C20orf203: variants seen among roughly 807,000 people sequenced by gnomAD.
C20orf203 encodes the protein uncharacterized protein C20orf203.
A neutral mutation model predicts 15.9 loss-of-function variants in C20orf203; 16 were observed. That is an observed-to-expected ratio of 1.01 (90% CI 0.68 to 1.53). The LOEUF (loss-of-function observed/expected upper bound fraction) is 1.53, where lower values mean the gene tolerates loss of function less well. C20orf203 is among the 40% of genes most tolerant of loss of function. The pLI is 0.00. For synonymous variants in C20orf203, 98 were observed against 97.2 expected, an observed-to-expected ratio of 1.01 and a Z score of -0.05; for missense variants, 263 against 247.5, an observed-to-expected ratio of 1.06 and a Z score of -0.42.
intron 1 of C20orf203, among the ~76,000 whole-genome samples, chr20:32,655,021 TCAGCCGCAAGAGCCGAA>T (rs1284489193): frequency 6.6e-6 from 1 of 152,168 alleles, no homozygotes; most frequent in Non-Finnish European, 1.5e-5. Context: ...CACATTTGGT[TCAGCCGCAAGAGCCGAA>T]CATATTTAAT....
chr20:32,656,509 A>G (rs1007469221), intron 1 of C20orf203: 9 of 152,280 alleles, frequency 5.9e-5, no homozygotes, highest in Admixed American at 6.5e-5. Context: ...TACATGATCC[A>G]GCAATTCTGC....
At chr20:32,652,911 C>G (rs1982670788) in intron 1 of C20orf203, among the ~76,000 whole-genome samples, 1 of 152,170 alleles carries the variant, frequency 6.6e-6, no homozygotes, top group South Asian at 2.1e-4. Context: ...AGTGCTAGGT[C>G]ACTGGCCTTG....
chr20:32,648,565 C>T (rs1415883238), intron 4 of C20orf203, among the ~76,000 whole-genome samples: 1 of 150,702 alleles, frequency 6.6e-6, no homozygotes, highest in South Asian at 2.1e-4. Context: ...CTCAGCCTCC[C>T]GAGTAGCTGG....
At position 32,660,473 on chromosome 20, in the gene C20orf203, G is replaced by A. The variant is rs905206663; in HGVS notation, c.-263-8492C>T. Among the ~76,000 whole-genome samples, 8 of 152,314 alleles carry A rather than the reference G, an allele frequency of 5.3e-5. No individual in the cohort carries two copies. The South Asian group carries it at 8.3e-4, about 16-fold the overall frequency. On this transcript the variant is annotated intron_variant, in intron 1 of 5. Transcript: ENST00000608990. ...ACCTTCGAGAGGCCACGCTGCTGCC[G>A]AAAAGAGGGGCTGCTTCTCCCTGAG...
rs1231217435 is a variant in C20orf203 at position 32,665,471 on chromosome 20, G to GGA, written c.-264+8159_-264+8160dup. Among the ~76,000 whole-genome samples, 33 of 152,310 alleles carry GGA rather than the reference G, an allele frequency of 2.2e-4. 1 individual carries two copies. The highest frequency in any genetic ancestry group is 7.9e-4 in the African/African-American group (33 of 41,570). On this transcript the variant is annotated intron_variant, in intron 1 of 5. Coordinates refer to ENST00000608990, the MANE Select transcript of C20orf203 (RefSeq NM_182584.4). ...AAAGGGCTTTTGGAGACAGTGCTGG[G>GGA]GAGCCCCAGTGACCAGGCCGGAAAC...
chr20:32,643,111 G>A (rs1982328940), intron 4 of C20orf203, among the ~76,000 whole-genome samples: 1 of 152,194 alleles, frequency 6.6e-6, no homozygotes, highest in Non-Finnish European at 1.5e-5. Context: ...GCCCAGTGCT[G>A]TGAGAATGTG....
At chr20:32,660,808 G>A (rs1170215380) in intron 1 of C20orf203, among the ~76,000 whole-genome samples, 3 of 152,210 alleles carry the variant, frequency 2.0e-5, no homozygotes, top group African/African-American at 4.8e-5. Context: ...TTACAATCAT[G>A]GCAGAAGAGG....
At chr20:32,653,366 A>T (rs1014872273) in intron 1 of C20orf203, among the ~76,000 whole-genome samples, 2 of 152,142 alleles carry the variant, frequency 1.3e-5, no homozygotes, top group African/African-American at 4.8e-5. Flanking sequence ...GGGAAGGCTG[A>T]GTGTCCAGGG....
Position 32,632,465 on chromosome 20 carries a change from GT to G in C20orf203, c.*3104del, listed in dbSNP as rs1198689692. 14 of 152,296 alleles carry G rather than the reference GT, an allele frequency of 9.2e-5. No individual in the cohort carries two copies. The South Asian group carries it at 2.5e-3, about 27-fold the overall frequency. The allele number at this position is 152,296 out of a possible 1,614,324, so 9.4% of individuals were successfully genotyped here. Reference sequence around the variant, plus strand: ...ACAAGTCTTTTCTCCTCAGCCCCCAGTCCCCGCCCGGGAGAACCCATGTGCG... The same window carrying G: ...ACAAGTCTTTTCTCCTCAGCCCCCAGCCCCGCCCGGGAGAACCCATGTGCG... On this transcript the variant is annotated 3_prime_UTR_variant, in exon 6 of 6. Transcript: ENST00000608990.
At chr20:32,648,078 G>C (rs1409200741) in intron 4 of C20orf203, among the ~76,000 whole-genome samples, 1 of 152,154 alleles carries the variant, frequency 6.6e-6, no homozygotes, top group East Asian at 1.9e-4. Context: ...TGCTACTTGG[G>C]CTACTTGCCC....
intron 1 of C20orf203, among the ~76,000 whole-genome samples, chr20:32,654,840 C>T (rs1982717254): frequency 6.6e-6 from 1 of 151,920 alleles, no homozygotes; most frequent in Non-Finnish European, 1.5e-5. Context: ...CAAGATCCTT[C>T]CCCAAAAAAA....
intron 5 of C20orf203, among the ~76,000 whole-genome samples, chr20:32,638,406 G>A (rs948473823): frequency 6.6e-6 from 1 of 152,194 alleles, no homozygotes; most frequent in Non-Finnish European, 1.5e-5. Flanking sequence ...TCTGGAGGGT[G>A]CTGCTAACCC....
Position 32,650,166 on chromosome 20 carries a change from C to T in C20orf203, c.*266G>A, listed in dbSNP as rs1982562937. 4.2e-6 allele frequency: 2 copies of T among 473,782 alleles called. No homozygotes were observed. Among genetic ancestry groups the T allele is most frequent in the Non-Finnish European group, 7.7e-6 (2 of 261,434 alleles). 29.3% of individuals were successfully genotyped at this position (473,782 alleles called of 1,614,324 possible). A position where few individuals can be genotyped will look rare whatever the true frequency, so the allele number is the denominator to read the frequency against. On this transcript the variant is annotated 3_prime_UTR_variant, in exon 4 of 6. Transcript: ENST00000608990. ...GCCATTCTCCAGCAGCTGGACAGGA[C>T]CAGAGCCTGCCCCGCATGTCCGGCC...
rs1313054823 is a variant in C20orf203, at chr20:32,633,594, T to A, written c.*1976A>T. ...TGTTGAGGGGAAAAAAAGGCATGAA[T>A]GAAGTATTATTATCCTCATTTTATG... On this transcript the variant is annotated 3_prime_UTR_variant, in exon 6 of 6. Transcript: ENST00000608990. 1.3e-5 allele frequency: 2 copies of A among 158,746 alleles called. No individual in the cohort carries two copies. Among genetic ancestry groups the A allele is most frequent in the Non-Finnish European group, 2.7e-5 (2 of 72,756 alleles). 9.8% of individuals were successfully genotyped at this position (158,746 alleles called of 1,614,324 possible).
chr20:32,637,171 A>G (rs1359024222), intron 5 of C20orf203, among the ~76,000 whole-genome samples: 3 of 152,190 alleles, frequency 2.0e-5, no homozygotes, highest in African/African-American at 7.2e-5. Flanking sequence ...GCACTTTAGG[A>G]GAAGGGCAAG....
At position 32,650,642 on chromosome 20, in the gene C20orf203, C is replaced by T. The variant is rs1161033006; in HGVS notation, c.375G>A (p.Gly125=). The T allele has an allele frequency of 1.3e-6, 2 of 1,545,130 alleles. No individual in the cohort carries two copies. The highest frequency in any genetic ancestry group is 2.4e-5 in the East Asian group (1 of 40,862). ...TCCCCCGCCCAGCAGGGGCCCGCAG[C>T]CCCCTCCCCACTTCCCTATCTCTCC... ...VGRRDREVGR[G]LRAPAGRGRA... Residue 125 remains glycine (G), a synonymous_variant, in exon 4 of 6, where the codon GGG becomes GGA. Coordinates refer to ENST00000608990, the MANE Select transcript of C20orf203 (RefSeq NM_182584.4).
intron 1 of C20orf203, among the ~76,000 whole-genome samples, chr20:32,654,617 C>T (rs1982712446): frequency 6.6e-6 from 1 of 151,784 alleles, no homozygotes; most frequent in African/African-American, 2.4e-5. Flanking sequence ...CCGAGGTGGG[C>T]AGATCACTTG....
At chr20:32,666,158 A>AAAAAAAAAAAAAAAAAAAAAG (rs1491053853) in intron 1 of C20orf203, among the ~76,000 whole-genome samples, 1 of 63,800 alleles carries the variant, frequency 1.6e-5, no homozygotes, top group African/African-American at 7.1e-5. Context: ...AATAAAGTAA[A>AAAAAAAAAAAAAAAAAAAAAG]AAAAAAAAAA....
At chr20:32,638,184 C>G (rs1328625350) in intron 5 of C20orf203, among the ~76,000 whole-genome samples, 1 of 152,134 alleles carries the variant, frequency 6.6e-6, no homozygotes, top group Non-Finnish European at 1.5e-5. Context: ...TTTGCAACAG[C>G]CTTAAAAGAA....
Sources: gnomAD v4.1 joint callset for allele counts (sites outside exome capture counted in the v4.1 genomes callset) on GRCh38, gnomAD v4.1.1 for gene constraint, MANE v1.5 for transcripts, NCBI Gene and HGNC (gene_info 2026-07-23, HGNC 2026-07-21) for gene names.